The following CPLANE1 variants were observed in gnomAD, a reference collection of about 807,000 sequenced individuals.
CPLANE1 encodes ciliogenesis and planar polarity effector 1.
Under a neutral mutation model 362.5 loss-of-function variants are expected in CPLANE1, and 263 were observed. The ratio of observed to expected loss-of-function variants is 0.73; its 90% confidence interval spans 0.66 to 0.80. The LOEUF is 0.80. Ranked by LOEUF, CPLANE1 falls within the 30% of genes least tolerant of loss-of-function variation. The pLI is 0.00. For missense variants in CPLANE1, 3,461 were observed against 3,793.4 expected (o/e 0.91, Z 2.30); for synonymous variants, 1,212 against 1,302.6 (o/e 0.93, Z 1.50).
At chr5:37,085,635 C>G in the CPLANE1 span, 2 of 993,540 alleles carry the variant, frequency 2.0e-6, no homozygotes, top group South Asian at 1.3e-5. Context: ...CTGGGAATAA[C>G]TGGTGTGATC....
In CPLANE1 at chr5:37,177,619, A is replaced by G; in HGVS notation, c.5900+2T>C. 1.9e-6 allele frequency: 3 copies of G among 1,609,856 alleles called. No homozygotes were observed. Among genetic ancestry groups the G allele is most frequent in the Non-Finnish European group, 2.5e-6 (3 of 1,176,768 alleles). ...TCACTGTCATACTTTTTTCCCCCTT[A>G]CCCTTTTTGTTCAGTCGATTTTTCC... On this transcript the variant is annotated splice_donor_variant, in intron 30 of 52. Transcript: ENST00000651892. LOFTEE classifies it high-confidence loss of function.
chr5:37,150,207 G>A (rs1773087170), intron 42 of CPLANE1, among the ~76,000 whole-genome samples: 1 of 152,102 alleles, frequency 6.6e-6, no homozygotes, highest in Non-Finnish European at 1.5e-5. Context: ...TCCAACTCCT[G>A]CTTTGGCTGG....
chr5:37,227,843 GA>G (rs1310144735), intron 9 of CPLANE1, 26 bp from the exon 10 acceptor site: 5 of 1,515,628 alleles, frequency 3.3e-6, no homozygotes, highest in Non-Finnish European at 4.4e-6. Flanking sequence ...CAAAATACAA[GA>G]ATCAGTAAGA....
At chr5:37,162,662 T>G in intron 37 of CPLANE1, 96 bp from the exon 38 acceptor site, 1 of 789,562 alleles carries the variant, frequency 1.3e-6, no homozygotes, top group Non-Finnish European at 2.0e-6. Flanking sequence ...AAGTAAAATA[T>G]GGGGTGTCAG....
intron 8 of CPLANE1, among the ~76,000 whole-genome samples, chr5:37,231,998 A>G (rs975223914): frequency 4.6e-5 from 7 of 152,174 alleles, no homozygotes; most frequent in Non-Finnish European, 8.8e-5. Flanking sequence ...ACTTGTGGAA[A>G]GTAAAAGAAA....
In CPLANE1 at chr5:37,182,772, A is replaced by AT; in HGVS notation, c.5408dup (p.Asn1803LysfsTer5). The AT allele has an allele frequency of 6.2e-7, 1 of 1,603,776 alleles. No individual in the cohort carries two copies. The highest frequency in any genetic ancestry group is 8.5e-7 in the Non-Finnish European group (1 of 1,173,906). On this transcript the variant is annotated frameshift_variant, in exon 26 of 53. Coordinates refer to ENST00000651892, the MANE Select transcript of CPLANE1 (RefSeq NM_001384732.1). Reference sequence around the variant, plus strand: ...TTGATATGCTTACCTTAATAATGGCATTTTTTGCCTTATATGTAGCAAAAT... The same window carrying AT: ...TTGATATGCTTACCTTAATAATGGCATTTTTTTGCCTTATATGTAGCAAAAT...
chr5:37,235,951 C>A (rs1798901047), intron 8 of CPLANE1, among the ~76,000 whole-genome samples: 1 of 150,052 alleles, frequency 6.7e-6, no homozygotes, highest in African/African-American at 2.5e-5. Context: ...CTCACCACAA[C>A]CTCCACCGCC....
Position 37,244,489 on chromosome 5 carries a change from A to G in CPLANE1, c.456T>C (p.Ser152=). ...ACCGACCCGCCAATGAAAGGCTTTT[A>G]GAAGATAAGATATTCTTTAATTCCA... ...EYLELKNILS[S]KSLSLAGRWS... is the part of the protein sequence containing the mutation. Residue 152 remains serine, a synonymous_variant, in exon 5 of 53, where the codon TCT becomes TCC. Coordinates refer to ENST00000651892, the MANE Select transcript of CPLANE1 (RefSeq NM_001384732.1). The G allele has an allele frequency of 6.4e-7, 1 of 1,552,032 alleles. No individual in the cohort carries two copies. Among genetic ancestry groups the G allele is most frequent in the Non-Finnish European group, 8.7e-7 (1 of 1,147,038 alleles).
chr5:37,164,859 T>A lies in CPLANE1; in HGVS notation c.7534-532A>T, dbSNP rs567978776. Among the ~76,000 whole-genome samples, 61 of 152,126 alleles carry A rather than the reference T, an allele frequency of 4.0e-4. No homozygotes were observed. The South Asian group carries it at 0.013, about 32-fold the overall frequency. ...ATGGCTCACACCTATAATCCAAGTG[T>A]TTTAGGAGGCTGAGGTGGAAGGATC... On this transcript the variant is annotated intron_variant, in intron 36 of 52. Coordinates refer to ENST00000651892, the MANE Select transcript of CPLANE1 (RefSeq NM_001384732.1).
intron 50 of CPLANE1, among the ~76,000 whole-genome samples, chr5:37,118,665 G>T (rs1183093959): frequency 6.6e-6 from 1 of 151,264 alleles, no homozygotes; most frequent in Non-Finnish European, 1.5e-5. Flanking sequence ...ATCTCACAGG[G>T]TTGTAATTAA....
At chr5:37,085,383 G>C in the CPLANE1 span, 1 of 1,321,868 alleles carries the variant, frequency 7.6e-7, no homozygotes, top group Non-Finnish European at 1.1e-6. Flanking sequence ...TCGCTTTGCT[G>C]TACATCGTAT....
chr5:37,124,254 A>T (rs1763525479), intron 47 of CPLANE1, among the ~76,000 whole-genome samples: 1 of 152,202 alleles, frequency 6.6e-6, no homozygotes, highest in Non-Finnish European at 1.5e-5. Context: ...TTCAGATTAC[A>T]AAGTAAAAGA....
Position 37,107,794 on chromosome 5 carries a change from G to C in CPLANE1, c.9580-16C>G, listed in dbSNP as rs1262874995. 1 of 1,579,328 alleles carries C rather than the reference G, an allele frequency of 6.3e-7. No homozygotes were observed. Among genetic ancestry groups the C allele is most frequent in the African/African-American group, 1.4e-5 (1 of 73,866 alleles). ...GAGACAAGTCCTATTAAATTGAAAAGACAATTGTGGTCCTAGCCCCTAAAA... is the reference window on the plus strand; with the variant it reads ...GAGACAAGTCCTATTAAATTGAAAACACAATTGTGGTCCTAGCCCCTAAAA... On this transcript the variant is annotated splice_polypyrimidine_tract_variant and intron_variant, in intron 52 of 52. Transcript: ENST00000651892.
rs10941320 is a variant in CPLANE1, at chr5:37,162,753, T to C, written c.7589-187A>G. 50,842 of 381,154 alleles carry C rather than the reference T, an allele frequency of 0.13. 4,455 individuals carry two copies. Among genetic ancestry groups the C allele is most frequent in the African/African-American group, 0.31 (14,820 of 47,970 alleles). The allele number at this position is 381,154 out of a possible 1,614,324, so 23.6% of individuals were successfully genotyped here. On this transcript the variant is annotated intron_variant, in intron 37 of 52. Coordinates refer to ENST00000651892, the MANE Select transcript of CPLANE1 (RefSeq NM_001384732.1). ...GGAGTGCAGTGGTGCAATCTCGGCT[T>C]ACTGCAACTTCCCCCTCCCGGGTTC...
chr5:37,176,373 C>A (rs575236921), intron 30 of CPLANE1, among the ~76,000 whole-genome samples: 1 of 152,000 alleles, frequency 6.6e-6, no homozygotes, highest in Non-Finnish European at 1.5e-5. Flanking sequence ...CGATGGCTCA[C>A]GACTGTAATC....
chr5:37,120,523 T>C lies in CPLANE1; in HGVS notation c.9186-183A>G, dbSNP rs58132646. On this transcript the variant is annotated intron_variant, in intron 49 of 52. Coordinates refer to ENST00000651892, the MANE Select transcript of CPLANE1 (RefSeq NM_001384732.1). The stretch of plus-strand genomic sequence containing the variant: ...GAGTCGAGGCTGTGGTGTGCCATGA[T>C]TGCACCTGTGAATGCCACTGCACTC... Among the ~76,000 whole-genome samples the C allele has an allele frequency of 7.3e-3, 1,111 of 152,214 alleles. 18 individuals carry two copies. Among genetic ancestry groups the C allele is most frequent in the African/African-American group, 0.025 (1,045 of 41,508 alleles).
At chr5:37,242,773 TC>T (rs2150759150) in intron 6 of CPLANE1, among the ~76,000 whole-genome samples, 1 of 151,916 alleles carries the variant, frequency 6.6e-6, no homozygotes, top group South Asian at 2.1e-4. Flanking sequence ...ATGCCTGTAT[TC>T]CCAGCACTTT....
At chr5:37,108,791 G>C (rs1170927352) in intron 51 of CPLANE1, among the ~76,000 whole-genome samples, 1 of 152,212 alleles carries the variant, frequency 6.6e-6, no homozygotes, top group Non-Finnish European at 1.5e-5. Flanking sequence ...TGAACTCTGA[G>C]ACCTGGGCCT....
intron 38 of CPLANE1, among the ~76,000 whole-genome samples, chr5:37,160,581 T>A (rs1186968389): frequency 5.3e-5 from 8 of 150,086 alleles, no homozygotes; most frequent in East Asian, 2.0e-4. Flanking sequence ...AAAAAAAAAA[T>A]GTTTCTCAAA....
Sources: allele counts gnomAD v4.1 joint callset (sites outside exome capture counted in the v4.1 genomes callset), GRCh38; gene constraint gnomAD v4.1.1; transcripts MANE v1.5; gene names NCBI Gene and HGNC (gene_info 2026-07-23, HGNC 2026-07-21).